The following ADK variants were observed in gnomAD, a reference collection of about 807,000 sequenced individuals.
ADK encodes adenosine kinase.
Under a neutral mutation model 44.7 loss-of-function variants are expected in ADK, and 24 were observed. The observed-to-expected ratio is 0.54, with a 90% CI of 0.39 to 0.76. The LOEUF is 0.76. Ranked by LOEUF, ADK falls within the 30% of genes least tolerant of loss-of-function variation. The pLI is 0.00. For synonymous variants in ADK, 128 were observed against 142.6 expected (o/e 0.90, Z 0.73); for missense variants, 321 against 425.1 (o/e 0.76, Z 2.15).
At chr10:74,650,526 T>C (rs1372448741) in intron 9 of ADK, among the ~76,000 whole-genome samples, 1 of 152,186 alleles carries the variant, frequency 6.6e-6, no homozygotes, top group African/African-American at 2.4e-5. Context: ...CAAACTGATA[T>C]CTGGGCTGGG....
intron 1 of ADK, among the ~76,000 whole-genome samples, chr10:74,196,723 T>C (rs984481327): frequency 2.6e-5 from 4 of 152,150 alleles, no homozygotes; most frequent in African/African-American, 9.7e-5. Context: ...ACATATGTAA[T>C]TGAAAAGTCC....
intron 8 of ADK, among the ~76,000 whole-genome samples, chr10:74,594,190 GT>G (rs1159412816): frequency 6.6e-6 from 1 of 151,508 alleles, no homozygotes; most frequent in African/African-American, 2.4e-5. Flanking sequence ...CTGTTGTGGG[GT>G]GGGGGGTTGG....
chr10:74,683,792 G>A (rs1589367060), intron 10 of ADK, among the ~76,000 whole-genome samples: 1 of 152,200 alleles, frequency 6.6e-6, no homozygotes, highest in East Asian at 1.9e-4. Context: ...CACTGGTTTT[G>A]TCGTCCTCCG....
At chr10:74,470,997 G>C (rs530924128) in intron 6 of ADK, among the ~76,000 whole-genome samples, 1 of 151,486 alleles carries the variant, frequency 6.6e-6, no homozygotes, top group East Asian at 1.9e-4. Flanking sequence ...TTATTCTTTT[G>C]CATGTGGATA....
At chr10:74,586,622 G>A (rs912710764) in intron 7 of ADK, among the ~76,000 whole-genome samples, 2 of 152,110 alleles carry the variant, frequency 1.3e-5, no homozygotes, top group African/African-American at 4.8e-5. Flanking sequence ...GGAAGGCCAA[G>A]GCAGGTGGAT....
intron 6 of ADK, among the ~76,000 whole-genome samples, chr10:74,420,696 A>G (rs1260223592): frequency 6.6e-6 from 1 of 152,122 alleles, no homozygotes; most frequent in African/African-American, 2.4e-5. Context: ...GAAAAAGTTA[A>G]TTAAAGAATT....
At chr10:74,698,653 G>A (rs996325898) in intron 10 of ADK, among the ~76,000 whole-genome samples, 2 of 152,050 alleles carry the variant, frequency 1.3e-5, no homozygotes, top group Admixed American at 6.6e-5. Context: ...CCCAGGCTTG[G>A]GTGATCCTCC....
intron 3 of ADK, among the ~76,000 whole-genome samples, chr10:74,287,352 T>C (rs1445561129): frequency 1.3e-5 from 2 of 151,812 alleles, no homozygotes; most frequent in African/African-American, 4.8e-5. Context: ...TAATCCCAGC[T>C]ACTCAGGAGG....
At chr10:74,207,156 T>G (rs894655597) in intron 2 of ADK, among the ~76,000 whole-genome samples, 2 of 152,190 alleles carry the variant, frequency 1.3e-5, no homozygotes, top group Non-Finnish European at 2.9e-5. Flanking sequence ...CGGCTGGATC[T>G]GATGCATCTC....
At chr10:74,324,133 C>T (rs1349124853) in intron 4 of ADK, among the ~76,000 whole-genome samples, 1 of 152,152 alleles carries the variant, frequency 6.6e-6, no homozygotes, top group Admixed American at 6.5e-5. Context: ...AGTGATCCTC[C>T]CACCTCTGCC....
At chr10:74,175,514 C>G (rs1156389642) in intron 1 of ADK, among the ~76,000 whole-genome samples, 5 of 152,038 alleles carry the variant, frequency 3.3e-5, no homozygotes, top group African/African-American at 1.2e-4. Context: ...TCCCATCAGC[C>G]ACATTTCAAT....
intron 3 of ADK, among the ~76,000 whole-genome samples, chr10:74,276,498 C>T (rs1846685385): frequency 6.6e-6 from 1 of 152,216 alleles, no homozygotes; most frequent in South Asian, 2.1e-4. Context: ...AGCTTTAAAA[C>T]AATACCCTTT....
intron 4 of ADK, among the ~76,000 whole-genome samples, chr10:74,365,350 G>T (rs968255786): frequency 6.6e-6 from 1 of 152,136 alleles, no homozygotes; most frequent in African/African-American, 2.4e-5. Context: ...CTATTCTGGA[G>T]GTTTCATATA....
intron 7 of ADK, among the ~76,000 whole-genome samples, chr10:74,565,916 C>T (rs940315187): frequency 1.2e-4 from 18 of 152,082 alleles, no homozygotes; most frequent in Admixed American, 2.6e-4. Flanking sequence ...TCTTGAGACA[C>T]ATGTTGCATC....
chr10:74,412,279 C>G (rs1357645328), intron 6 of ADK, among the ~76,000 whole-genome samples: 1 of 152,060 alleles, frequency 6.6e-6, no homozygotes, highest in Admixed American at 6.5e-5. Flanking sequence ...ATCTCCCAGG[C>G]AAGCTCAAGC....
At chr10:74,646,779 T>C (rs1484724454) in intron 9 of ADK, among the ~76,000 whole-genome samples, 1 of 152,160 alleles carries the variant, frequency 6.6e-6, no homozygotes, top group African/African-American at 2.4e-5. Flanking sequence ...GCCACAGTTA[T>C]TGGTGTGGTC....
intron 10 of ADK, among the ~76,000 whole-genome samples, chr10:74,694,073 AATATTTAAAAC>A (rs1330502104): frequency 6.6e-6 from 1 of 151,294 alleles, no homozygotes; most frequent in African/African-American, 2.4e-5. Context: ...CTTATTATAG[AATATTTAAAAC>A]ATAAGAAAAA....
intron 7 of ADK, among the ~76,000 whole-genome samples, chr10:74,578,648 A>C (rs1328234386): frequency 1.3e-5 from 2 of 152,194 alleles, no homozygotes; most frequent in African/African-American, 4.8e-5. Context: ...TATTGATTAT[A>C]CATTATGGTA....
At chr10:74,611,727 A>G (rs1356477549) in intron 9 of ADK, among the ~76,000 whole-genome samples, 1 of 151,396 alleles carries the variant, frequency 6.6e-6, no homozygotes, top group Non-Finnish European at 1.5e-5. Flanking sequence ...TGTGGAGCAT[A>G]TGGTTTTCTG....
Sources: gnomAD v4.1 joint callset for allele counts (sites outside exome capture counted in the v4.1 genomes callset) on GRCh38, gnomAD v4.1.1 for gene constraint, MANE v1.5 for transcripts, NCBI Gene and HGNC (gene_info 2026-07-23, HGNC 2026-07-21) for gene names.